The following ZC3H6 variants were observed in gnomAD, a reference collection of about 807,000 sequenced individuals.
The protein encoded by ZC3H6 is zinc finger CCCH domain-containing protein 6.
Under a neutral mutation model 107.7 loss-of-function variants are expected in ZC3H6, and 40 were observed. The ratio of observed to expected loss-of-function variants is 0.37; its 90% CI spans 0.29 to 0.48. The LOEUF (loss-of-function observed/expected upper bound fraction) is 0.48. ZC3H6 is among the 20% of genes least tolerant of loss of function. ZC3H6 has a pLI of 0.98. For synonymous variants in ZC3H6, 493 were observed against 487.9 expected (o/e 1.01, Z -0.14); for missense variants, 1,267 against 1,410.4 (o/e 0.90, Z 1.63).
chr2:112,305,577 G>A (rs889838033), intron 3 of ZC3H6, among the ~76,000 whole-genome samples: 3 of 152,102 alleles, frequency 2.0e-5, no homozygotes, highest in Non-Finnish European at 4.4e-5. Context: ...AAAACGGATG[G>A]TCTTTTATAT....
rs1677120005 is a variant in ZC3H6 at position 112,335,283 on chromosome 2, G to T, written c.*2795G>T. The T allele has an allele frequency of 6.6e-6, 1 of 152,178 alleles. No homozygotes were observed. The highest frequency in any genetic ancestry group is 1.9e-4 in the East Asian group (1 of 5,206). 9.4% of individuals were successfully genotyped at this position (152,178 alleles called of 1,614,324 possible). A position where few individuals can be genotyped will look rare whatever the true frequency, so the allele number is the denominator to read the frequency against. On this transcript the variant is annotated 3_prime_UTR_variant, in exon 12 of 12. Transcript: ENST00000409871. ...AGGCTGCAACCGAAAGAGCCTAATTGTGAAATGATGTGCGCTTATGTTTCT... is the reference window on the plus strand; with the variant it reads ...AGGCTGCAACCGAAAGAGCCTAATTTTGAAATGATGTGCGCTTATGTTTCT...
intron 1 of ZC3H6, among the ~76,000 whole-genome samples, chr2:112,298,480 A>T (rs1231086589): frequency 6.6e-6 from 1 of 152,272 alleles, no homozygotes; most frequent in African/African-American, 2.4e-5. Flanking sequence ...AAATTGGTGC[A>T]GCCCTTGTGC....
chr2:112,335,579 AGAAT>A lies in ZC3H6; in HGVS notation c.*3096_*3099del, dbSNP rs1677124550. The stretch of plus-strand genomic sequence containing the variant: ...TTTTTATTGATCACATTTGATGTAA[AGAAT>A]GAATTATTTTTGTAAAGTATTTGTA... On this transcript the variant is annotated 3_prime_UTR_variant, in exon 12 of 12. Transcript: ENST00000409871. The A allele has an allele frequency of 6.6e-6, 1 of 152,158 alleles. No homozygotes were observed. The highest frequency in any genetic ancestry group is 1.5e-5 in the Non-Finnish European group (1 of 68,022). The allele number at this position is 152,158 out of a possible 1,614,324, so 9.4% of individuals were successfully genotyped here. A position where few individuals can be genotyped will look rare whatever the true frequency, so the allele number is the denominator to read the frequency against.
In ZC3H6 at chr2:112,276,025, A is replaced by C; in HGVS notation, c.31A>C (p.Arg11=). Residue 11 remains arginine (R), a splice_region_variant and synonymous_variant, in exon 1 of 12, where the codon AGA becomes CGA. Coordinates refer to ENST00000409871, the MANE Select transcript of ZC3H6 (RefSeq NM_198581.3). ...AGACTCTGAACATGCAGGGCACGAC[A>C]GGTCGGGAACCCTTCTTGTCTGTCT... MTDSEHAGHD[R]EDGELEDGEI... 1 of 1,542,148 alleles carries C rather than the reference A, an allele frequency of 6.5e-7. No homozygotes were observed.
intron 4 of ZC3H6, 134 bp downstream of exon 4, chr2:112,310,295 A>G: frequency 1.2e-6 from 1 of 866,754 alleles, no homozygotes; most frequent in Non-Finnish European, 1.7e-6. Flanking sequence ...ATTTTCTTTT[A>G]TTTTGTAGAC....
At chr2:112,317,400 AAAT>A (rs1402827277) in intron 7 of ZC3H6, 68 bp downstream of exon 7, 1 of 845,386 alleles carries the variant, frequency 1.2e-6, no homozygotes, top group Non-Finnish European at 1.8e-6. Context: ...AGGTTTTAAA[AAAT>A]AATAAATACA....
intron 1 of ZC3H6, among the ~76,000 whole-genome samples, chr2:112,297,283 C>CAT (rs1676258840): frequency 1.3e-5 from 2 of 152,164 alleles, no homozygotes; most frequent in Admixed American, 6.5e-5. Context: ...TATATCATAT[C>CAT]ATATCATTGA....
intron 1 of ZC3H6, among the ~76,000 whole-genome samples, chr2:112,287,955 C>T (rs1431175613): frequency 2.6e-5 from 4 of 152,216 alleles, no homozygotes; most frequent in African/African-American, 7.2e-5. Flanking sequence ...GCATGCCTTT[C>T]TGTTTTACTA....
chr2:112,282,895 C>T (rs1368285557), intron 1 of ZC3H6, among the ~76,000 whole-genome samples: 1 of 152,138 alleles, frequency 6.6e-6, no homozygotes, highest in Non-Finnish European at 1.5e-5. Context: ...CATCAATCTG[C>T]CTTCTAGGAT....
intron 7 of ZC3H6, 108 bp from the exon 8 acceptor site, chr2:112,321,648 T>C (rs1676803922): frequency 1.9e-5 from 11 of 579,380 alleles, no homozygotes. Context: ...CAATGTTACA[T>C]AGCAGATCTC....
intron 5 of ZC3H6, 42 bp from the exon 6 acceptor site, chr2:112,316,428 A>G: frequency 8.2e-7 from 1 of 1,215,620 alleles, no homozygotes; most frequent in Non-Finnish European, 1.2e-6. Flanking sequence ...ATACCTATTA[A>G]TATTTCATAT....
chr2:112,336,633 T>C lies in ZC3H6; in HGVS notation c.*4145T>C, dbSNP rs1458294415. 6.6e-6 allele frequency: 1 copy of C among 152,176 alleles called. No homozygotes were observed. Among genetic ancestry groups the C allele is most frequent in the African/African-American group, 2.4e-5 (1 of 41,458 alleles). 9.4% of individuals were successfully genotyped at this position (152,176 alleles called of 1,614,324 possible). A position where few individuals can be genotyped will look rare whatever the true frequency, so the allele number is the denominator to read the frequency against. On this transcript the variant is annotated 3_prime_UTR_variant, in exon 12 of 12. Coordinates refer to ENST00000409871, the MANE Select transcript of ZC3H6 (RefSeq NM_198581.3). ...AGTTTCATGTGGTTTGCAGAAAGTTTTGGCAGCTACCAGTCACTATATTGC... is the reference window on the plus strand; with the variant it reads ...AGTTTCATGTGGTTTGCAGAAAGTTCTGGCAGCTACCAGTCACTATATTGC...
chr2:112,284,751 G>C (rs1287453575), intron 1 of ZC3H6, among the ~76,000 whole-genome samples: 1 of 151,996 alleles, frequency 6.6e-6, no homozygotes, highest in East Asian at 1.9e-4. Context: ...ATAATATCTG[G>C]AGCAAAAATG....
At chr2:112,281,865 AAAAT>A (rs1686532595) in intron 1 of ZC3H6, among the ~76,000 whole-genome samples, 1 of 152,008 alleles carries the variant, frequency 6.6e-6, no homozygotes, top group Non-Finnish European at 1.5e-5. Flanking sequence ...GCAGTAAAGA[AAAAT>A]AAAGGTTAAA....
intron 11 of ZC3H6, among the ~76,000 whole-genome samples, chr2:112,325,468 C>CAA (rs200796126): frequency 3.5e-5 from 5 of 144,896 alleles, no homozygotes; most frequent in Admixed American, 1.4e-4. Flanking sequence ...GACTCAGTCT[C>CAA]AAAAAAAAAA....
At chr2:112,300,139 A>T in intron 2 of ZC3H6, 110 bp downstream of exon 2, 1 of 692,790 alleles carries the variant, frequency 1.4e-6, no homozygotes, top group South Asian at 4.9e-5. Flanking sequence ...TGGATTAGAT[A>T]TTTTCATTTA....
intron 2 of ZC3H6, among the ~76,000 whole-genome samples, chr2:112,302,489 C>G (rs1273355791): frequency 6.6e-6 from 1 of 151,990 alleles, no homozygotes; most frequent in African/African-American, 2.4e-5. Context: ...TGTACTAGAT[C>G]TAGATGCTGG....
At chr2:112,313,685 A>G (rs1391741887) in intron 5 of ZC3H6, among the ~76,000 whole-genome samples, 1 of 152,202 alleles carries the variant, frequency 6.6e-6, no homozygotes, top group East Asian at 1.9e-4. Flanking sequence ...TGATTCCAGA[A>G]ACAACTGGGA....
chr2:112,276,884 C>G (rs1269205406), intron 1 of ZC3H6, among the ~76,000 whole-genome samples: 1 of 152,142 alleles, frequency 6.6e-6, no homozygotes, highest in Admixed American at 6.5e-5. Context: ...GAAACAAAAT[C>G]CATTGCATCT....
Sources: gnomAD v4.1 joint callset for allele counts (sites outside exome capture counted in the v4.1 genomes callset) on GRCh38, gnomAD v4.1.1 for gene constraint, MANE v1.5 for transcripts, NCBI Gene and HGNC (gene_info 2026-07-23, HGNC 2026-07-21) for gene names.